Variants in E2F3 observed in about 807,000 individuals in gnomAD.
The protein encoded by E2F3 is transcription factor E2F3.
Under a neutral mutation model 44.4 loss-of-function variants are expected in E2F3, and 11 were observed. The observed-to-expected ratio is 0.25, with a 90% CI of 0.16 to 0.41. E2F3 has a LOEUF of 0.41. Ranked by LOEUF, E2F3 falls within the 10% of genes least tolerant of loss-of-function variation. E2F3 has a pLI of 1.00. For synonymous variants in E2F3, 249 were observed against 253.0 expected, an observed-to-expected ratio of 0.98 and a Z score of 0.15; for missense variants, 487 against 583.6, an observed-to-expected ratio of 0.83 and a Z score of 1.70.
chr6:20,435,191 A>G (rs1371235295), intron 1 of E2F3, among the ~76,000 whole-genome samples: 1 of 152,168 alleles, frequency 6.6e-6, no homozygotes, highest in Non-Finnish European at 1.5e-5. Flanking sequence ...CACATGCCCC[A>G]AGTCTCCAAC....
intron 6 of E2F3, among the ~76,000 whole-genome samples, chr6:20,489,314 C>T (rs1762489461): frequency 6.6e-6 from 1 of 152,094 alleles, no homozygotes; most frequent in Admixed American, 6.5e-5. Flanking sequence ...TCAAAAAAGA[C>T]TGAGTTAAAA....
intron 1 of E2F3, among the ~76,000 whole-genome samples, chr6:20,442,967 CA>C (rs60258972): frequency 4.1e-5 from 6 of 147,906 alleles, no homozygotes; most frequent in African/African-American, 9.9e-5. Flanking sequence ...CAAACTGTCT[CA>C]AAAAAAAAAA....
intron 1 of E2F3, among the ~76,000 whole-genome samples, chr6:20,478,452 A>G (rs1001958371): frequency 2.0e-5 from 3 of 152,202 alleles, no homozygotes; most frequent in Non-Finnish European, 4.4e-5. Context: ...AGAGGGGCTG[A>G]ATATCTAGCT....
chr6:20,403,247 C>T (rs1759370829), intron 1 of E2F3, among the ~76,000 whole-genome samples: 1 of 152,088 alleles, frequency 6.6e-6, no homozygotes, highest in South Asian at 2.1e-4. Flanking sequence ...GGGCTGGAAG[C>T]CGGGTGCGGA....
intron 1 of E2F3, among the ~76,000 whole-genome samples, chr6:20,478,383 G>T (rs1469367990): frequency 2.6e-5 from 4 of 152,244 alleles, no homozygotes; most frequent in Non-Finnish European, 5.9e-5. Flanking sequence ...CAGTTTGGAT[G>T]AGCTAGTAAC....
intron 1 of E2F3, among the ~76,000 whole-genome samples, chr6:20,464,311 G>C (rs570027817): frequency 1.3e-5 from 2 of 152,328 alleles, no homozygotes; most frequent in East Asian, 3.9e-4. Context: ...CTGTTTATCA[G>C]ACACTGAAGA....
At position 20,429,101 on chromosome 6, in the gene E2F3, TG is replaced by T. The variant is rs560796822; in HGVS notation, c.393+26477del. ...ATACTGTTAAACATACTATAACATA[TG>T]TGACAGCCTCCCCACAACAAAGAAT... On this transcript the variant is annotated intron_variant, in intron 1 of 6. Coordinates refer to ENST00000346618, the MANE Select transcript of E2F3 (RefSeq NM_001949.5). Among the ~76,000 whole-genome samples, 69 of 152,300 alleles carry T rather than the reference TG, an allele frequency of 4.5e-4. 2 individuals are homozygous for T. The South Asian group carries it at 0.012, about 27-fold the overall frequency.
intron 1 of E2F3, among the ~76,000 whole-genome samples, chr6:20,476,871 G>A (rs983502896): frequency 6.6e-6 from 1 of 152,198 alleles, no homozygotes; most frequent in Admixed American, 6.5e-5. Context: ...TGACAGAATG[G>A]CTGGGAGGGG....
chr6:20,479,731 G>A, intron 1 of E2F3, 115 bp from the exon 2 acceptor site: 2 of 785,666 alleles, frequency 2.5e-6, no homozygotes, highest in South Asian at 1.7e-5. Context: ...GGGTGGAGCA[G>A]AGGGGTGAGA....
At chr6:20,476,221 A>AT (rs1307510976) in intron 1 of E2F3, among the ~76,000 whole-genome samples, 1 of 152,130 alleles carries the variant, frequency 6.6e-6, no homozygotes, top group Non-Finnish European at 1.5e-5. Flanking sequence ...ACTACAAAAA[A>AT]TTAGCCGGGC....
In E2F3 at chr6:20,479,840, T is replaced by A. The variant is rs376201315; in HGVS notation, c.394-6T>A. On this transcript the variant is annotated splice_region_variant and splice_polypyrimidine_tract_variant and intron_variant, in intron 1 of 6. Transcript: ENST00000346618. ...GGTGACGAGAGATCGCACTTTCTTA[T>A]TACAGGCAAAGCGAAGGCTGGAGCT... 3 of 1,607,830 alleles carry A rather than the reference T, an allele frequency of 1.9e-6. No individual in the cohort carries two copies. The African/African-American group carries it at 4.0e-5, about 21-fold the overall frequency.
At position 20,402,376 on chromosome 6, in the gene E2F3, CGCCGCT is replaced by C. The variant is rs758546976; in HGVS notation, c.150_155del (p.Ala52_Ala53del). ...CCAGCCCCGGCTTCGCCGCCGCCGC[CGCCGCT>C]GCCGCCGCCCCGGGCGCGTACATCC... On this transcript the variant is annotated inframe_deletion, in exon 1 of 7. Coordinates refer to ENST00000346618, the MANE Select transcript of E2F3 (RefSeq NM_001949.5). The surrounding 1 kb of genome is among the most constrained non-coding windows in gnomAD (Gnocchi z 5.6). 1.9e-6 allele frequency: 3 copies of C among 1,609,458 alleles called. No homozygotes were observed. Among genetic ancestry groups the C allele is most frequent in the Non-Finnish European group, 2.5e-6 (3 of 1,178,320 alleles).
At position 20,468,755 on chromosome 6, in the gene E2F3, T is replaced by C. The variant is rs114029350; in HGVS notation, c.394-11091T>C. 5.9e-3 allele frequency among the ~76,000 whole-genome samples: 899 copies of C among 152,296 alleles called. 5 individuals are homozygous for C. Among genetic ancestry groups the C allele is most frequent in the Non-Finnish European group, 0.01 (685 of 68,026 alleles). On this transcript the variant is annotated intron_variant, in intron 1 of 6. Coordinates refer to ENST00000346618, the MANE Select transcript of E2F3 (RefSeq NM_001949.5). ...GGGCAGCCGGCCTTCATTCAAATCA[T>C]CAGCACACAAAAAGATACTTCATCT...
chr6:20,455,848 G>A (rs1038999958), intron 1 of E2F3, among the ~76,000 whole-genome samples: 4 of 152,014 alleles, frequency 2.6e-5, no homozygotes, highest in Non-Finnish European at 5.9e-5. Flanking sequence ...CCAACCCTTG[G>A]GAACCCAGGG....
intron 1 of E2F3, among the ~76,000 whole-genome samples, chr6:20,460,402 A>G (rs1256584167): frequency 6.6e-6 from 1 of 152,068 alleles, no homozygotes; most frequent in East Asian, 1.9e-4. Flanking sequence ...TTGGCTTTAC[A>G]TTGGAAACCA....
chr6:20,441,124 G>A (rs895124271), intron 1 of E2F3, among the ~76,000 whole-genome samples: 9 of 152,132 alleles, frequency 5.9e-5, no homozygotes, highest in East Asian at 5.8e-4. Context: ...TTTTTTCACC[G>A]TCTCTAACAG....
intron 1 of E2F3, among the ~76,000 whole-genome samples, chr6:20,466,685 CTTT>C (rs35856468): frequency 7.0e-5 from 9 of 127,668 alleles, no homozygotes; most frequent in Admixed American, 7.9e-5. Context: ...TCGGTGTGTT[CTTT>C]TTTTTTTTTT....
chr6:20,479,431 G>A (rs570346392), intron 1 of E2F3, among the ~76,000 whole-genome samples: 170 of 152,332 alleles, frequency 1.1e-3, no homozygotes, highest in Non-Finnish European at 1.3e-3. Context: ...GGAGCACAAG[G>A]AAGGGGGTCC....
rs545163174 is a variant in E2F3 at position 20,404,480 on chromosome 6, G to T, written c.393+1855G>T. ...CCATGGTAGCCTGATTATACCAGGC[G>T]TGGACCTCACCTTGTCTCAGCTCCA... On this transcript the variant is annotated intron_variant, in intron 1 of 6. Coordinates refer to ENST00000346618, the MANE Select transcript of E2F3 (RefSeq NM_001949.5). 2.0e-5 allele frequency among the ~76,000 whole-genome samples: 3 copies of T among 152,352 alleles called. No individual in the cohort carries two copies. In the South Asian group the frequency reaches 6.2e-4, roughly 32 times the overall value.
Sources: gnomAD v4.1 joint callset for allele counts (sites outside exome capture counted in the v4.1 genomes callset) on GRCh38, gnomAD v4.1.1 for gene constraint, Gnocchi (gnomAD v3.1) non-coding constraint, MANE v1.5 for transcripts, NCBI Gene and HGNC (gene_info 2026-07-23, HGNC 2026-07-21) for gene names.